SMARCA5: variants seen among roughly 807,000 people sequenced by gnomAD.
SMARCA5 encodes SWI/SNF-related matrix-associated actin-dependent regulator of chromatin subfamily A member 5.
Under a neutral mutation model 140.4 loss-of-function variants are expected in SMARCA5, and 18 were observed. That is an observed-to-expected ratio of 0.13 (90% confidence interval 0.09 to 0.19). SMARCA5 has a LOEUF of 0.19. SMARCA5 is among the 10% of genes least tolerant of loss of function. SMARCA5 has a pLI of 1.00. For synonymous variants in SMARCA5, 449 were observed against 419.6 expected (o/e 1.07, Z -0.86); for missense variants, 606 against 1,276.8 (o/e 0.47, Z 8.01).
At chr4:143,543,793 A>G (rs973469266) in intron 15 of SMARCA5, 60 bp from the exon 16 acceptor site, 57 of 1,560,192 alleles carry the variant, frequency 3.7e-5, no homozygotes, top group African/African-American at 8.3e-5. Flanking sequence ...ATTTATTTTG[A>G]CTGCAGTTTT....
chr4:143,542,441 T>G (rs1737446881), intron 14 of SMARCA5, among the ~76,000 whole-genome samples: 1 of 152,200 alleles, frequency 6.6e-6, no homozygotes, highest in African/African-American at 2.4e-5. Flanking sequence ...GGAAGTAGTT[T>G]GTATAAGCAT....
intron 11 of SMARCA5, 42 bp from the exon 12 acceptor site, chr4:143,538,548 C>G: frequency 6.3e-7 from 1 of 1,575,824 alleles, no homozygotes. Flanking sequence ...AATTTTTCTA[C>G]TTTTGAAGCC....
chr4:143,555,515 A>G lies in SMARCA5; in HGVS notation c.*2331A>G, dbSNP rs1406290384. 2.3e-6 allele frequency: 1 copy of G among 429,120 alleles called. No homozygotes were observed. Among genetic ancestry groups the G allele is most frequent in the South Asian group, 2.4e-5 (1 of 42,118 alleles). 26.6% of individuals were successfully genotyped at this position (429,120 alleles called of 1,614,324 possible). A position where few individuals can be genotyped will look rare whatever the true frequency, so the allele number is the denominator to read the frequency against. The stretch of plus-strand genomic sequence containing the variant: ...GTGTAGATTGTTTTGTTTTGTACCC[A>G]TGCTGTTGATTGCTAAATGTTTTAA... On this transcript the variant is annotated 3_prime_UTR_variant, in exon 24 of 24. Coordinates refer to ENST00000283131, the MANE Select transcript of SMARCA5 (RefSeq NM_003601.4).
At chr4:143,528,528 T>G (rs569584321) in intron 7 of SMARCA5, 55 bp from the exon 8 acceptor site, 1 of 1,519,966 alleles carries the variant, frequency 6.6e-7, no homozygotes, top group South Asian at 1.2e-5. Flanking sequence ...TTTGCTGTTG[T>G]AGATAATGCA....
chr4:143,539,330 A>G (rs1385582036), intron 13 of SMARCA5, among the ~76,000 whole-genome samples: 1 of 152,190 alleles, frequency 6.6e-6, no homozygotes, highest in Non-Finnish European at 1.5e-5. Flanking sequence ...ATTATAGTAT[A>G]GTTATATCAC....
rs576560069 is a variant in SMARCA5, at chr4:143,538,373, T to C, written c.1496-217T>C. ...AAGCCTTCCAGACCAGAGGCAAATATGCTTTTCTGTACAAATGTTACCCTT... is the reference window on the plus strand; with the variant it reads ...AAGCCTTCCAGACCAGAGGCAAATACGCTTTTCTGTACAAATGTTACCCTT... On this transcript the variant is annotated intron_variant, in intron 11 of 23. Coordinates refer to ENST00000283131, the MANE Select transcript of SMARCA5 (RefSeq NM_003601.4). Among the ~76,000 whole-genome samples the C allele has an allele frequency of 2.6e-5, 4 of 152,282 alleles. No individual in the cohort carries two copies. The East Asian group carries it at 7.7e-4, about 29-fold the overall frequency.
Position 143,555,285 on chromosome 4 carries a change from A to C in SMARCA5, c.*2101A>C. 2.5e-6 allele frequency: 2 copies of C among 809,032 alleles called. No individual in the cohort carries two copies. The highest frequency in any genetic ancestry group is 2.1e-6 in the Non-Finnish European group (1 of 466,892). The allele number at this position is 809,032 out of a possible 1,614,324, so 50.1% of individuals were successfully genotyped here. A position where few individuals can be genotyped will look rare whatever the true frequency, so the allele number is the denominator to read the frequency against. On this transcript the variant is annotated 3_prime_UTR_variant, in exon 24 of 24. Coordinates refer to ENST00000283131, the MANE Select transcript of SMARCA5 (RefSeq NM_003601.4). ...GAAGACTGATTGTTGTCATTGCCAA[A>C]ATCATTGTAGCTTTTACCACCTCCA...
intron 20 of SMARCA5, 70 bp from the exon 21 acceptor site, chr4:143,547,315 T>G (rs1353235147): frequency 3.7e-6 from 3 of 809,020 alleles, no homozygotes; most frequent in Non-Finnish European, 6.2e-6. Context: ...ATAATCCAGT[T>G]GATCCCATTT....
chr4:143,530,906 C>G (rs1024683991), intron 9 of SMARCA5, among the ~76,000 whole-genome samples: 5 of 152,178 alleles, frequency 3.3e-5, no homozygotes, highest in Non-Finnish European at 7.4e-5. Flanking sequence ...CCTCTGCCTC[C>G]CAGGCTCAAG....
intron 11 of SMARCA5, among the ~76,000 whole-genome samples, chr4:143,536,935 T>C (rs1215314590): frequency 1.3e-5 from 2 of 152,218 alleles, no homozygotes. Flanking sequence ...TATACTTTCC[T>C]AGAAATTATA....
chr4:143,550,245 T>TC (rs1474558801), intron 23 of SMARCA5, 141 bp downstream of exon 23: 7 of 379,962 alleles, frequency 1.8e-5, no homozygotes, highest in South Asian at 9.8e-5. Flanking sequence ...TTTTTTTTTT[T>TC]CCTTAAGGGA....
chr4:143,526,211 G>T, intron 5 of SMARCA5, 70 bp from the exon 6 acceptor site: 1 of 1,205,114 alleles, frequency 8.3e-7, no homozygotes, highest in Non-Finnish European at 1.2e-6. Context: ...ATTTCTATAT[G>T]TTGGGAGGTA....
intron 10 of SMARCA5, 116 bp from the exon 11 acceptor site, chr4:143,536,336 A>G: frequency 1.5e-6 from 1 of 685,304 alleles, no homozygotes; most frequent in South Asian, 1.8e-5. Flanking sequence ...GAAGTTGATG[A>G]GTAGTTTCTT....
intron 14 of SMARCA5, among the ~76,000 whole-genome samples, chr4:143,541,993 A>G (rs1368214753): frequency 1.3e-5 from 2 of 151,376 alleles, no homozygotes; most frequent in Non-Finnish European, 2.9e-5. Flanking sequence ...GAGTAGCTGG[A>G]TTTACAGATG....
Position 143,514,064 on chromosome 4 carries a change from C to T in SMARCA5, c.140C>T (p.Ser47Phe), listed in dbSNP as rs1428721599. The T allele has an allele frequency of 1.9e-6, 3 of 1,552,030 alleles. No homozygotes were observed. Among genetic ancestry groups the T allele is most frequent in the East Asian group, 2.4e-5 (1 of 42,058 alleles). Residue 47 changes from serine (S) to phenylalanine (F), a missense_variant, in exon 1 of 24, where the codon TCT (serine) becomes TTT (phenylalanine). By Grantham distance (155) the Ser-to-Phe change is radical. This residue lies in a region of SMARCA5 where 164 missense variants were observed against 128.4 expected (regional missense o/e 1.28). Transcript: ENST00000283131. ...GGCGTCGCGGCGCAGGCGGTTGCGT[C>T]TGCGGCCAGCGCTGGTCCCGCAGAC... is the stretch of plus-strand genomic sequence containing the variant. ...PEGVAAQAVASAASAGPADAE... is the reference protein window; with the variant it reads ...PEGVAAQAVAFAASAGPADAE...
chr4:143,539,728 G>A lies in SMARCA5; in HGVS notation c.1771-635G>A, dbSNP rs2149822846. Reference sequence around the variant, plus strand: ...ATTTTGTATTTTTAGTAGAGATGGGGTTTCACCATGTTGGTCAGGCTGGTC... The same window carrying A: ...ATTTTGTATTTTTAGTAGAGATGGGATTTCACCATGTTGGTCAGGCTGGTC... On this transcript the variant is annotated intron_variant, in intron 13 of 23. Transcript: ENST00000283131. 2.0e-5 allele frequency among the ~76,000 whole-genome samples: 3 copies of A among 152,056 alleles called. No individual in the cohort carries two copies. The South Asian group carries it at 6.2e-4, about 32-fold the overall frequency.
Position 143,546,863 on chromosome 4 carries a change from A to C in SMARCA5, c.2608A>C (p.Arg870=). 2 of 1,612,852 alleles carry C rather than the reference A, an allele frequency of 1.2e-6. No homozygotes were observed. The highest frequency in any genetic ancestry group is 1.7e-6 in the Non-Finnish European group (2 of 1,179,118). ...WGRDDIENIA[R]EVEGKTPEEV... is the part of the protein sequence containing the mutation. The stretch of plus-strand genomic sequence containing the variant: ...TCGTGATGATATTGAAAATATAGCA[A>C]GAGAAGTAGAAGGCAAAACTCCAGA... The change falls in exon 20 of 24, where the codon AGA becomes CGA. Residue 870 remains arginine, a synonymous_variant. Coordinates refer to ENST00000283131, the MANE Select transcript of SMARCA5 (RefSeq NM_003601.4).
intron 2 of SMARCA5, 115 bp from the exon 3 acceptor site, chr4:143,521,314 T>A: frequency 1.5e-6 from 1 of 672,978 alleles, no homozygotes; most frequent in Non-Finnish European, 2.5e-6. Context: ...TGCATTTATC[T>A]GTAGTTCTCT....
rs921551534 is a variant in SMARCA5, at chr4:143,554,956, A to G, written c.*1772A>G. 2.8e-5 allele frequency: 11 copies of G among 399,712 alleles called. No individual in the cohort carries two copies. The Admixed American group carries it at 3.0e-4, about 11-fold the overall frequency. The allele number at this position is 399,712 out of a possible 1,614,324, so 24.8% of individuals were successfully genotyped here. ...TGAAGGGAAACTCACTTGAAAAAAAAGCATGAACCAGCTAGGCCCTGCCAC... is the reference window on the plus strand; with the variant it reads ...TGAAGGGAAACTCACTTGAAAAAAAGGCATGAACCAGCTAGGCCCTGCCAC... On this transcript the variant is annotated 3_prime_UTR_variant, in exon 24 of 24. Transcript: ENST00000283131.
Sources: gnomAD v4.1 joint callset for allele counts (sites outside exome capture counted in the v4.1 genomes callset) on GRCh38, gnomAD v4.1.1 for gene constraint, gnomAD v4.1.1 regional missense constraint, MANE v1.5 for transcripts, NCBI Gene and HGNC (gene_info 2026-07-23, HGNC 2026-07-21) for gene names.